TNIK: variants seen among roughly 807,000 people sequenced by gnomAD.
TNIK encodes TRAF2 and NCK interacting kinase, also known as TRAF2 and NCK-interacting protein kinase.
TNIK carries 49 observed loss-of-function variants against 191.3 expected under a neutral mutation model. That is an observed-to-expected ratio of 0.26 (90% confidence interval 0.20 to 0.32). The LOEUF (loss-of-function observed/expected upper bound fraction) is 0.32. Among genes scored for constraint, TNIK ranks in the 10% least tolerant of loss-of-function variants. TNIK has a pLI of 1.00. For synonymous variants in TNIK, 594 were observed against 600.9 expected (o/e 0.99, Z 0.17); for missense variants, 1,155 against 1,702.3 (o/e 0.68, Z 5.66).
intron 12 of TNIK, among the ~76,000 whole-genome samples, chr3:171,151,087 A>T (rs1732375813): frequency 6.6e-6 from 1 of 152,384 alleles, no homozygotes; most frequent in South Asian, 2.1e-4. Context: ...TTTACTTCTC[A>T]GCAATCATGA....
chr3:171,283,069 A>G (rs1241645664), intron 2 of TNIK, among the ~76,000 whole-genome samples: 1 of 152,136 alleles, frequency 6.6e-6, no homozygotes, highest in Admixed American at 6.5e-5. Flanking sequence ...ACCTTTATCA[A>G]GGAATAATTT....
At chr3:171,400,123 T>G (rs1043458059) in intron 1 of TNIK, among the ~76,000 whole-genome samples, 2 of 152,142 alleles carry the variant, frequency 1.3e-5, no homozygotes, top group Non-Finnish European at 1.5e-5. Context: ...TTTTCTTAAA[T>G]TGGTAGAAAC....
chr3:171,398,834 C>T (rs565587185), intron 1 of TNIK, among the ~76,000 whole-genome samples: 15 of 152,192 alleles, frequency 9.9e-5, no homozygotes, highest in Non-Finnish European at 2.1e-4. Flanking sequence ...TTCCCTGGAA[C>T]ATTTTTCCCC....
intron 2 of TNIK, among the ~76,000 whole-genome samples, chr3:171,307,036 G>A (rs7650327): frequency 0.36 from 54,234 of 152,020 alleles, 10,315 homozygotes; most frequent in Non-Finnish European, 0.42. Flanking sequence ...GATTTAGACC[G>A]AGAAATTCAT....
intron 12 of TNIK, among the ~76,000 whole-genome samples, chr3:171,153,427 T>C (rs975012012): frequency 4.6e-5 from 7 of 152,208 alleles, no homozygotes; most frequent in African/African-American, 1.7e-4. Context: ...CTACTACTAT[T>C]ACTGTTGGCT....
In TNIK at chr3:171,366,233, C is replaced by T. The variant is rs1004434945; in HGVS notation, c.123+3387G>A. Among the ~76,000 whole-genome samples, 8 of 152,048 alleles carry T rather than the reference C, an allele frequency of 5.3e-5. No individual in the cohort carries two copies. The highest frequency in any genetic ancestry group is 1.0e-4 in the Non-Finnish European group (7 of 67,994). ...AAAGTCCTGAGAGTGAATCACTATT[C>T]TTTATTATTTACCTATGCTCCTCGG... is the stretch of plus-strand genomic sequence containing the variant. On this transcript the variant is annotated intron_variant, in intron 2 of 32. Transcript: ENST00000436636. The surrounding 1 kb of genome is among the most constrained non-coding windows in gnomAD (Gnocchi z 4.1).
chr3:171,217,494 C>G (rs1345193538), intron 3 of TNIK, among the ~76,000 whole-genome samples: 1 of 151,978 alleles, frequency 6.6e-6, no homozygotes, highest in African/African-American at 2.4e-5. Context: ...CAACATCACA[C>G]AACATACCCA....
chr3:171,371,983 GC>G (rs1716553044), intron 1 of TNIK, among the ~76,000 whole-genome samples: 1 of 151,982 alleles, frequency 6.6e-6, no homozygotes, highest in Non-Finnish European at 1.5e-5. Context: ...GTGATGAGTG[GC>G]TGCCTCAAGG....
chr3:171,276,768 A>G (rs1314684167), intron 2 of TNIK, among the ~76,000 whole-genome samples: 1 of 152,226 alleles, frequency 6.6e-6, no homozygotes, highest in Non-Finnish European at 1.5e-5. Flanking sequence ...TTGGTAATAA[A>G]AAATTCATCA....
chr3:171,068,768 A>G (rs1387951487), intron 30 of TNIK, 80 bp downstream of exon 30: 3 of 1,431,094 alleles, frequency 2.1e-6, no homozygotes, highest in Non-Finnish European at 2.8e-6. Context: ...GACTTCTACT[A>G]AAACTATGCA....
chr3:171,254,974 G>A (rs1746669846), intron 2 of TNIK, among the ~76,000 whole-genome samples: 1 of 152,208 alleles, frequency 6.6e-6, no homozygotes, highest in Non-Finnish European at 1.5e-5. Context: ...GATTTAGCAT[G>A]TAGATTAATC....
intron 1 of TNIK, among the ~76,000 whole-genome samples, chr3:171,386,787 T>G (rs924850402): frequency 2.0e-5 from 3 of 152,214 alleles, no homozygotes; most frequent in Admixed American, 6.5e-5. Flanking sequence ...CACTTGCTAA[T>G]TACAATTAGA....
chr3:171,327,474 C>T (rs1755903025), intron 2 of TNIK, among the ~76,000 whole-genome samples: 1 of 152,260 alleles, frequency 6.6e-6, no homozygotes, highest in African/African-American at 2.4e-5. Context: ...AGTGCTATGC[C>T]TGGCCGCTAA....
In TNIK at chr3:171,420,492, C is replaced by T. The variant is rs181328654; in HGVS notation, c.57+39515G>A. On this transcript the variant is annotated intron_variant, in intron 1 of 32. Transcript: ENST00000436636. ...ATGCTGAGGACATGAGAGTTCTATT[C>T]CCAGCTATACCACAGAATAGCTATG... Among the ~76,000 whole-genome samples the T allele has an allele frequency of 4.3e-4, 66 of 152,216 alleles. No homozygotes were observed. In the East Asian group the frequency reaches 0.012, roughly 29 times the overall value.
Position 171,264,099 on chromosome 3 carries a change from CACACACACACACAT to C in TNIK, c.124-35892_124-35879del, listed in dbSNP as rs758117796. On this transcript the variant is annotated intron_variant, in intron 2 of 32. Transcript: ENST00000436636. ...ACACACACACACACACACACACACACACACACACACACATATATATATATATATATATACACCCC... is the reference window on the plus strand; with the variant it reads ...ACACACACACACACACACACACACACATATATATATATATATATACACCCC... 1.6e-3 allele frequency among the ~76,000 whole-genome samples: 131 copies of C among 84,250 alleles called. No individual in the cohort carries two copies. The South Asian group carries it at 0.018, about 12-fold the overall frequency. The allele number at this position is 84,250 out of a possible 152,430, so 55.3% of individuals were successfully genotyped here.
intron 2 of TNIK, among the ~76,000 whole-genome samples, chr3:171,243,991 G>C (rs1194796068): frequency 6.6e-6 from 1 of 151,214 alleles, no homozygotes; most frequent in African/African-American, 2.4e-5. Flanking sequence ...AAGGTCCTTC[G>C]AGAAAAAGCT....
rs550312650 is a variant in TNIK at position 171,159,455 on chromosome 3, C to T, written c.1017-1791G>A. Among the ~76,000 whole-genome samples, 2 of 152,160 alleles carry T rather than the reference C, an allele frequency of 1.3e-5. No individual in the cohort carries two copies. Among genetic ancestry groups the T allele is most frequent in the Admixed American group, 6.5e-5 (1 of 15,288 alleles). On this transcript the variant is annotated intron_variant, in intron 11 of 32. Transcript: ENST00000436636. The surrounding 1 kb of genome is among the most constrained non-coding windows in gnomAD (Gnocchi z 4.1). ...TGAAAAGACATAAAAAGGCTTTGTT[C>T]GTGATGTTCCATAGACAATGCTTGG... is the stretch of plus-strand genomic sequence containing the variant.
In TNIK at chr3:171,161,878, C is replaced by T. The variant is rs188183888; in HGVS notation, c.950-542G>A. Among the ~76,000 whole-genome samples the T allele has an allele frequency of 4.9e-3, 746 of 152,130 alleles. 2 individuals are homozygous for T. Among genetic ancestry groups the T allele is most frequent in the Non-Finnish European group, 7.2e-3 (492 of 68,002 alleles). ...GAGCTTGTAGTGAGCCAAGATCGTGCCACTGCACTCTAGCATGGGCGACAG... is the reference window on the plus strand; with the variant it reads ...GAGCTTGTAGTGAGCCAAGATCGTGTCACTGCACTCTAGCATGGGCGACAG... On this transcript the variant is annotated intron_variant, in intron 10 of 32. Transcript: ENST00000436636.
chr3:171,434,598 C>T (rs1371352917), intron 1 of TNIK, among the ~76,000 whole-genome samples: 1 of 152,100 alleles, frequency 6.6e-6, no homozygotes, highest in African/African-American at 2.4e-5. Context: ...GCTAAGACTA[C>T]AGGTGCATAC....
Sources: gnomAD v4.1 joint callset for allele counts (sites outside exome capture counted in the v4.1 genomes callset) on GRCh38, gnomAD v4.1.1 for gene constraint, Gnocchi (gnomAD v3.1) non-coding constraint, MANE v1.5 for transcripts, NCBI Gene and HGNC (gene_info 2026-07-23, HGNC 2026-07-21) for gene names.